Variants in SLIT3 observed in about 807,000 individuals in gnomAD.
The protein encoded by SLIT3 is slit homolog 3 protein.
In SLIT3, 68 loss-of-function variants were observed where a neutral mutation model predicts 184.0. That is an observed-to-expected ratio of 0.37 (90% CI 0.30 to 0.45). SLIT3 has a LOEUF of 0.45. SLIT3 is among the 20% of genes least tolerant of loss of function. The probability of loss-of-function intolerance (pLI) is 1.00; values close to 1 mark genes in which losing one functional copy is unlikely to be tolerated. For missense variants in SLIT3, 1,707 were observed against 2,026.0 expected (o/e 0.84, Z 3.02); for synonymous variants, 831 against 828.6 (o/e 1.00, Z -0.05).
chr5:169,148,023 G>A (rs1339810892), intron 4 of SLIT3, among the ~76,000 whole-genome samples: 2 of 152,126 alleles, frequency 1.3e-5, no homozygotes, highest in Non-Finnish European at 2.9e-5. Flanking sequence ...GTTTTTGCAG[G>A]TCAGGGAAAG....
At chr5:168,678,004 G>A (rs796302321) in intron 32 of SLIT3, among the ~76,000 whole-genome samples, 5 of 152,264 alleles carry the variant, frequency 3.3e-5, no homozygotes, top group African/African-American at 1.2e-4. Context: ...TCCCATTTCT[G>A]AGGAGGGGAC....
At chr5:168,705,871 G>T (rs896983887) in intron 26 of SLIT3, among the ~76,000 whole-genome samples, 2 of 152,170 alleles carry the variant, frequency 1.3e-5, no homozygotes, top group Admixed American at 6.6e-5. Context: ...ATGTGAAACA[G>T]TTTACCTTAT....
At chr5:168,914,077 G>T (rs965096628) in intron 4 of SLIT3, among the ~76,000 whole-genome samples, 3 of 152,092 alleles carry the variant, frequency 2.0e-5, no homozygotes, top group Non-Finnish European at 4.4e-5. Flanking sequence ...GTTATTAACT[G>T]GTACCCAGTT....
intron 4 of SLIT3, among the ~76,000 whole-genome samples, chr5:169,186,384 A>T (rs1651593183): frequency 6.6e-6 from 1 of 152,230 alleles, no homozygotes; most frequent in Non-Finnish European, 1.5e-5. Flanking sequence ...TCCAGCCAGC[A>T]TCTTGATCTT....
chr5:168,867,231 T>G (rs918011403), intron 5 of SLIT3, among the ~76,000 whole-genome samples: 3 of 152,188 alleles, frequency 2.0e-5, no homozygotes, highest in Non-Finnish European at 4.4e-5. Flanking sequence ...AATTATTACT[T>G]TACCATTATG....
chr5:168,931,664 G>C (rs58072086), intron 4 of SLIT3, among the ~76,000 whole-genome samples: 4 of 152,132 alleles, frequency 2.6e-5, no homozygotes, highest in Admixed American at 2.6e-4. Context: ...GCAATCTCAC[G>C]GCTGCAGGCC....
chr5:168,789,248 T>A (rs1163658753), intron 11 of SLIT3, among the ~76,000 whole-genome samples: 1 of 5,524 alleles, frequency 1.8e-4, no homozygotes, highest in African/African-American at 7.6e-4. Flanking sequence ...TGCGGTGGCA[T>A]GTGGGGTGGG....
At chr5:168,671,840 C>A (rs1275734120) in intron 33 of SLIT3, among the ~76,000 whole-genome samples, 1 of 152,148 alleles carries the variant, frequency 6.6e-6, no homozygotes, top group Non-Finnish European at 1.5e-5. Flanking sequence ...GGCAAGTGCA[C>A]CAAATAACCT....
chr5:169,283,324 G>A (rs773936476), intron 1 of SLIT3, among the ~76,000 whole-genome samples: 9 of 152,212 alleles, frequency 5.9e-5, no homozygotes, highest in South Asian at 2.1e-4. Context: ...AGGTCTTGGC[G>A]GGGTGGGAGG....
At chr5:168,875,675 G>GAAGAAA (rs1439141760) in intron 5 of SLIT3, among the ~76,000 whole-genome samples, 43 of 149,414 alleles carry the variant, frequency 2.9e-4, no homozygotes, top group African/African-American at 9.9e-4. Flanking sequence ...AGGAGAAAGA[G>GAAGAAA]AAGAAAAAGA....
At chr5:169,288,881 A>G (rs941723886) in intron 1 of SLIT3, among the ~76,000 whole-genome samples, 3 of 152,246 alleles carry the variant, frequency 2.0e-5, no homozygotes, top group Non-Finnish European at 4.4e-5. Flanking sequence ...ACTCTGAGCA[A>G]GGCTTTGGAG....
At chr5:169,099,551 C>A (rs550100278) in intron 4 of SLIT3, among the ~76,000 whole-genome samples, 1 of 152,272 alleles carries the variant, frequency 6.6e-6, no homozygotes, top group Admixed American at 6.5e-5. Context: ...TTCTCATAAC[C>A]TTTTGATTAG....
chr5:168,712,258 A>T (rs1321580020), intron 24 of SLIT3, 25 bp downstream of exon 24: 1 of 1,599,290 alleles, frequency 6.3e-7, no homozygotes, highest in East Asian at 2.2e-5. Context: ...TTGAATGTTC[A>T]TTGGGGAGAA....
chr5:168,844,838 G>T (rs192758846), intron 5 of SLIT3, 183 bp from the exon 6 acceptor site: 36 of 550,244 alleles, frequency 6.5e-5, no homozygotes, highest in African/African-American at 6.3e-4. Context: ...CTGTCTGAGA[G>T]AACTACACAG....
intron 4 of SLIT3, among the ~76,000 whole-genome samples, chr5:169,040,881 G>C (rs1757427773): frequency 6.6e-6 from 1 of 152,194 alleles, no homozygotes; most frequent in Non-Finnish European, 1.5e-5. Context: ...CTTTCTTAGA[G>C]CTGGCTCATT....
rs556491428 is a variant in SLIT3 at position 169,129,821 on chromosome 5, G to GTTTT, written c.413+63654_413+63657dup. Among the ~76,000 whole-genome samples the GTTTT allele has an allele frequency of 9.0e-3, 1,348 of 149,562 alleles. 12 individuals are homozygous for GTTTT. Among genetic ancestry groups the GTTTT allele is most frequent in the Middle Eastern group, 0.041 (12 of 292 alleles). ...TATACAAATGCCAGTTTCTTTGGTGGTTTTTTTTGTTTGTTTGTTTGTTTG... is the reference window on the plus strand; with the variant it reads ...TATACAAATGCCAGTTTCTTTGGTGGTTTTTTTTTTTTGTTTGTTTGTTTGTTTG... On this transcript the variant is annotated intron_variant, in intron 4 of 35. Coordinates refer to ENST00000519560, the MANE Select transcript of SLIT3 (RefSeq NM_003062.4).
At chr5:169,186,241 A>G (rs1196255732) in intron 4 of SLIT3, among the ~76,000 whole-genome samples, 1 of 152,144 alleles carries the variant, frequency 6.6e-6, no homozygotes, top group African/African-American at 2.4e-5. Context: ...TCCCTAATCC[A>G]ACATAACTGG....
intron 8 of SLIT3, among the ~76,000 whole-genome samples, chr5:168,814,287 T>C (rs113971355): frequency 3.3e-5 from 5 of 151,996 alleles, no homozygotes; most frequent in African/African-American, 1.2e-4. Context: ...ATCCAGCTAC[T>C]CAGGAGGCTG....
intron 1 of SLIT3, among the ~76,000 whole-genome samples, chr5:169,259,243 G>C (rs1196836215): frequency 1.3e-5 from 2 of 150,492 alleles, no homozygotes; most frequent in African/African-American, 2.5e-5. Context: ...ATTTTTAGTA[G>C]AGACGGGGTT....
Sources: allele counts gnomAD v4.1 joint callset (sites outside exome capture counted in the v4.1 genomes callset), GRCh38; gene constraint gnomAD v4.1.1; transcripts MANE v1.5; gene names NCBI Gene and HGNC (gene_info 2026-07-23, HGNC 2026-07-21).